Variants in SUMF1 observed in about 807,000 individuals in gnomAD.
SUMF1 encodes the protein sulfatase modifying factor 1.
Under a neutral mutation model 47.6 loss-of-function variants are expected in SUMF1, and 48 were observed. The ratio of observed to expected loss-of-function variants is 1.01; its 90% confidence interval spans 0.80 to 1.28. The LOEUF is 1.28. Ranked by LOEUF, SUMF1 falls within the 50% of genes most tolerant of loss-of-function variation. The pLI is 0.00. For synonymous variants in SUMF1, 230 were observed against 192.1 expected, an observed-to-expected ratio of 1.20 and a Z score of -1.63; for missense variants, 571 against 485.4, an observed-to-expected ratio of 1.18 and a Z score of -1.66.
intron 8 of SUMF1, among the ~76,000 whole-genome samples, chr3:4,113,211 G>A (rs1693349804): frequency 6.6e-6 from 1 of 152,066 alleles, no homozygotes; most frequent in Admixed American, 6.5e-5. Flanking sequence ...AACGTTTCAA[G>A]ATCTCTCTTC....
At chr3:4,350,673 C>A (rs898501219) in intron 8 of SUMF1, among the ~76,000 whole-genome samples, 12 of 152,130 alleles carry the variant, frequency 7.9e-5, no homozygotes, top group African/African-American at 2.9e-4. Flanking sequence ...TTAATTAAAG[C>A]AGTAGAAGTT....
At chr3:4,332,225 T>C (rs1048492974) in intron 8 of SUMF1, among the ~76,000 whole-genome samples, 2 of 152,180 alleles carry the variant, frequency 1.3e-5, no homozygotes, top group African/African-American at 4.8e-5. Context: ...GTAGCAGATC[T>C]TATATATTTA....
intron 9 of SUMF1, among the ~76,000 whole-genome samples, chr3:4,045,191 T>C (rs1694982493): frequency 6.6e-6 from 1 of 152,112 alleles, no homozygotes; most frequent in Non-Finnish European, 1.5e-5. Flanking sequence ...TGGGTCTAGT[T>C]CAATCCATTG....
intron 8 of SUMF1, among the ~76,000 whole-genome samples, chr3:4,333,310 C>A (rs114646299): frequency 1.3e-5 from 2 of 152,194 alleles, no homozygotes; most frequent in Admixed American, 1.3e-4. Context: ...TCTGCATGTT[C>A]CCCCTCCCAT....
At chr3:4,420,548 C>T (rs904503532) in intron 3 of SUMF1, among the ~76,000 whole-genome samples, 4 of 151,970 alleles carry the variant, frequency 2.6e-5, no homozygotes, top group Admixed American at 2.6e-4. Flanking sequence ...AGGCACGTGC[C>T]AGCAAGCCCA....
At chr3:4,329,810 AC>A (rs1699015469) in intron 8 of SUMF1, among the ~76,000 whole-genome samples, 1 of 152,008 alleles carries the variant, frequency 6.6e-6, no homozygotes, top group African/African-American at 2.4e-5. Flanking sequence ...AATTTTCCAA[AC>A]TTTTATACTC....
chr3:4,417,112 A>G lies in SUMF1; in HGVS notation c.840+16T>C. On this transcript the variant is annotated intron_variant, in intron 6 of 8. Coordinates refer to ENST00000272902, the MANE Select transcript of SUMF1 (RefSeq NM_182760.4). ...CTCAGCAGCTGCCACCCTCCTGCAG[A>G]GGTCTCATTACTCACAGGCGCAGTT... The G allele has an allele frequency of 6.2e-7, 1 of 1,612,504 alleles. No homozygotes were observed. Among genetic ancestry groups the G allele is most frequent in the Admixed American group, 1.7e-5 (1 of 60,002 alleles).
Position 4,257,059 on chromosome 3 carries a change from A to C in SUMF1, c.1014+119271T>G, listed in dbSNP as rs978592020. Among the ~76,000 whole-genome samples, 5 of 113,094 alleles carry C rather than the reference A, an allele frequency of 4.4e-5. No individual in the cohort carries two copies. The South Asian group carries it at 1.9e-3, about 44-fold the overall frequency. The allele number at this position is 113,094 out of a possible 152,430, so 74.2% of individuals were successfully genotyped here. Reference sequence around the variant, plus strand: ...GAAAAAGCCTTTGACAAAATTCAACAACCCTTCATGCTAAAAACTCTCAAT... The same window carrying C: ...GAAAAAGCCTTTGACAAAATTCAACCACCCTTCATGCTAAAAACTCTCAAT... On this transcript the variant is annotated intron_variant and NMD_transcript_variant, in intron 8 of 12. Transcript: ENST00000448413.
chr3:4,290,528 G>A (rs1271270160), intron 8 of SUMF1, among the ~76,000 whole-genome samples: 2 of 152,164 alleles, frequency 1.3e-5, no homozygotes, highest in Non-Finnish European at 2.9e-5. Flanking sequence ...AGAACGAGAA[G>A]GTAACATGGA....
intron 8 of SUMF1, among the ~76,000 whole-genome samples, chr3:4,375,134 CAAAAAAAAAA>C (rs376228362): frequency 5.5e-5 from 4 of 73,234 alleles, no homozygotes; most frequent in Admixed American, 1.7e-4. Flanking sequence ...GACTCTGTCT[CAAAAAAAAAA>C]AAAAAAAAAA....
At chr3:4,337,382 C>T (rs1022910620) in intron 8 of SUMF1, among the ~76,000 whole-genome samples, 3 of 152,118 alleles carry the variant, frequency 2.0e-5, no homozygotes, top group African/African-American at 7.2e-5. Flanking sequence ...ATCCTCACTG[C>T]TACACCCCTG....
At chr3:4,104,192 G>C (rs945190693) in intron 8 of SUMF1, among the ~76,000 whole-genome samples, 4 of 152,034 alleles carry the variant, frequency 2.6e-5, no homozygotes, top group Non-Finnish European at 5.9e-5. Flanking sequence ...TTCTCCTGGA[G>C]GTAAATAAGT....
intron 7 of SUMF1, among the ~76,000 whole-genome samples, chr3:4,382,975 C>T (rs989950908): frequency 1.3e-4 from 19 of 151,992 alleles, no homozygotes; most frequent in East Asian, 5.8e-4. Context: ...ATGTAGGTGA[C>T]GGGTTGATGG....
At chr3:4,091,775 C>CT (rs1409065626) in intron 8 of SUMF1, among the ~76,000 whole-genome samples, 11 of 152,118 alleles carry the variant, frequency 7.2e-5, no homozygotes, top group East Asian at 3.9e-4. Flanking sequence ...GAGGCCCTTG[C>CT]ATGGGACCAT....
intron 8 of SUMF1, among the ~76,000 whole-genome samples, 160 bp from the exon 9 acceptor site, chr3:4,362,414 G>A (rs1699797862): frequency 6.6e-6 from 1 of 152,166 alleles, no homozygotes; most frequent in African/African-American, 2.4e-5. Flanking sequence ...GCACATTCAA[G>A]AACTAACCAC....
rs1222567599 is a variant in SUMF1 at position 4,464,511 on chromosome 3, G to C, written c.270+2465C>G. On this transcript the variant is annotated intron_variant, in intron 1 of 8. Transcript: ENST00000272902. ...TCTTTTTCTGTATGCCCAGCACATA[G>C]GATGAATCTTACATAACAAGTGTTA... Among the ~76,000 whole-genome samples the C allele has an allele frequency of 1.2e-4, 19 of 152,038 alleles. 1 individual carries two copies. Among genetic ancestry groups the C allele is most frequent in the Admixed American group, 1.2e-3 (19 of 15,274 alleles).
At chr3:4,375,201 T>C (rs1454203504) in intron 8 of SUMF1, among the ~76,000 whole-genome samples, 1 of 151,250 alleles carries the variant, frequency 6.6e-6, no homozygotes, top group African/African-American at 2.4e-5. Context: ...ATTACCAATG[T>C]AGGTCTAAAG....
At chr3:4,410,843 A>G in intron 7 of SUMF1, 22 bp downstream of exon 7, 1 of 1,606,130 alleles carries the variant, frequency 6.2e-7, no homozygotes, top group Non-Finnish European at 8.5e-7. Flanking sequence ...TCCAAGACAC[A>G]TGCTCTGTGA....
At chr3:4,218,919 G>A (rs1216904828) in intron 8 of SUMF1, among the ~76,000 whole-genome samples, 2 of 152,062 alleles carry the variant, frequency 1.3e-5, no homozygotes, top group East Asian at 3.9e-4. Flanking sequence ...ACTATTAAAC[G>A]CAGCCAAATT....
Sources: gnomAD v4.1 joint callset for allele counts (sites outside exome capture counted in the v4.1 genomes callset) on GRCh38, gnomAD v4.1.1 for gene constraint, MANE v1.5 for transcripts, NCBI Gene and HGNC (gene_info 2026-07-23, HGNC 2026-07-21) for gene names.